EXOC4: variants seen among roughly 807,000 people sequenced by gnomAD.
EXOC4 encodes the protein SEC8-like 1.
In EXOC4, 71 loss-of-function variants were observed where a neutral mutation model predicts 107.2. The ratio of observed to expected loss-of-function variants is 0.66; its 90% confidence interval spans 0.55 to 0.81. The LOEUF (loss-of-function observed/expected upper bound fraction) is 0.81. EXOC4 is among the 30% of genes least tolerant of loss of function. EXOC4 has a pLI of 0.00. For missense variants in EXOC4, 1,108 were observed against 1,189.6 expected (o/e 0.93, Z 1.01); for synonymous variants, 456 against 441.2 (o/e 1.03, Z -0.42).
rs548092198 is a variant in EXOC4, at chr7:133,474,690, T to G, written c.1183-638T>G. Among the ~76,000 whole-genome samples, 37 of 152,240 alleles carry G rather than the reference T, an allele frequency of 2.4e-4. 1 individual carries two copies. The South Asian group carries it at 3.1e-3, about 13-fold the overall frequency. On this transcript the variant is annotated intron_variant, in intron 7 of 17. Coordinates refer to ENST00000253861, the MANE Select transcript of EXOC4 (RefSeq NM_021807.4). ...ATGAGTAGTGGCTATGGAAATTCTT[T>G]GTAGGTCAGGACTTCGTAGCTTCCT... is the stretch of plus-strand genomic sequence containing the variant.
chr7:133,680,729 C>T (rs1794168876), intron 10 of EXOC4, among the ~76,000 whole-genome samples: 1 of 152,162 alleles, frequency 6.6e-6, no homozygotes, highest in Non-Finnish European at 1.5e-5. Flanking sequence ...ACATTTAAGC[C>T]CCTAATCACA....
chr7:133,461,598 C>A (rs183475198), intron 7 of EXOC4, among the ~76,000 whole-genome samples: 11 of 152,220 alleles, frequency 7.2e-5, no homozygotes, highest in Non-Finnish European at 1.5e-5. Context: ...TGGGTCTTTT[C>A]CAAGATGCAT....
At chr7:133,961,280 CTT>C (rs34400471) in intron 14 of EXOC4, among the ~76,000 whole-genome samples, 1 of 77,016 alleles carries the variant, frequency 1.3e-5, no homozygotes, top group Non-Finnish European at 2.2e-5. Context: ...TCATGTCAAA[CTT>C]TTTTTTTTTT....
chr7:133,522,069 G>A (rs1180024072), intron 9 of EXOC4, among the ~76,000 whole-genome samples: 2 of 151,660 alleles, frequency 1.3e-5, no homozygotes, highest in African/African-American at 4.9e-5. Context: ...ATCAATATTT[G>A]TCCTCTTCAA....
rs1420399283 is a variant in EXOC4, at chr7:134,064,519, T to C, written c.2916T>C (p.Thr972=). 6.3e-7 allele frequency: 1 copy of C among 1,597,348 alleles called. No homozygotes were observed. The highest frequency in any genetic ancestry group is 8.5e-7 in the Non-Finnish European group (1 of 1,171,570). Reference sequence around the variant, plus strand: ...AAGCCACCAAGGACAAGAAGATAACTACCGTTTAGCAGGGCGTACTGCGGT... The same window carrying C: ...AAGCCACCAAGGACAAGAAGATAACCACCGTTTAGCAGGGCGTACTGCGGT... The part of the protein sequence containing the change: ...IKQATKDKKI[T]TV Residue 972 remains threonine, a synonymous_variant, in exon 18 of 18, where the codon ACT becomes ACC. Coordinates refer to ENST00000253861, the MANE Select transcript of EXOC4 (RefSeq NM_021807.4).
At chr7:133,625,727 A>C in intron 9 of EXOC4, among the ~76,000 whole-genome samples, 1 of 152,194 alleles carries the variant, frequency 6.6e-6, no homozygotes, top group East Asian at 1.9e-4. Context: ...ACAGCGTGTC[A>C]AATCATCGTC....
At chr7:133,328,761 T>C (rs1795309493) in intron 5 of EXOC4, among the ~76,000 whole-genome samples, 1 of 152,244 alleles carries the variant, frequency 6.6e-6, no homozygotes, top group South Asian at 2.1e-4. Flanking sequence ...CACTGTCTTC[T>C]TGCTTATAGG....
the EXOC4 span, among the ~76,000 whole-genome samples, chr7:134,081,707 C>CTAGGT: frequency 1.3e-5 from 2 of 152,058 alleles, no homozygotes; most frequent in African/African-American, 4.8e-5. Flanking sequence ...GGTAGGTTCC[C>CTAGGT]AGGTTTCTAG....
chr7:133,712,716 C>A (rs528376402), intron 10 of EXOC4, among the ~76,000 whole-genome samples: 13 of 152,122 alleles, frequency 8.5e-5, no homozygotes, highest in African/African-American at 3.1e-4. Flanking sequence ...TAGCCGTCAG[C>A]AAATATATGG....
chr7:133,432,150 G>A (rs1797870128), intron 7 of EXOC4, among the ~76,000 whole-genome samples: 3 of 151,948 alleles, frequency 2.0e-5, no homozygotes, highest in African/African-American at 4.8e-5. Context: ...GAGAATGGGA[G>A]AATATAAAAG....
chr7:133,651,651 C>T (rs756707812), intron 10 of EXOC4, among the ~76,000 whole-genome samples: 22 of 152,018 alleles, frequency 1.4e-4, no homozygotes, highest in Non-Finnish European at 3.1e-4. Flanking sequence ...TTAGAGTTGC[C>T]CAGAAGGACC....
chr7:133,397,999 AC>A (rs1797010221), intron 7 of EXOC4, among the ~76,000 whole-genome samples: 1 of 152,170 alleles, frequency 6.6e-6, no homozygotes, highest in African/African-American at 2.4e-5. Flanking sequence ...TTCCAGTTAA[AC>A]TTTTAATTAT....
chr7:133,975,526 A>G (rs1287649397), intron 14 of EXOC4, among the ~76,000 whole-genome samples: 1 of 152,158 alleles, frequency 6.6e-6, no homozygotes, highest in Non-Finnish European at 1.5e-5. Flanking sequence ...AGTAAACACT[A>G]GGCATAGCTA....
At chr7:133,327,592 T>C (rs577446564) in intron 5 of EXOC4, among the ~76,000 whole-genome samples, 1 of 152,336 alleles carries the variant, frequency 6.6e-6, no homozygotes, top group African/African-American at 2.4e-5. Flanking sequence ...TAAATTTCCC[T>C]CCAAACACTG....
At chr7:133,397,957 G>T (rs1797009138) in intron 7 of EXOC4, among the ~76,000 whole-genome samples, 1 of 152,152 alleles carries the variant, frequency 6.6e-6, no homozygotes, top group Non-Finnish European at 1.5e-5. Context: ...ATTAAGTGGT[G>T]AGACTGAGAT....
intron 3 of EXOC4, among the ~76,000 whole-genome samples, chr7:133,292,894 C>CT (rs1418098387): frequency 1.3e-5 from 2 of 152,066 alleles, no homozygotes; most frequent in African/African-American, 4.8e-5. Context: ...AAAGGTATTT[C>CT]TTTTGTGGGA....
chr7:133,607,300 G>A (rs757513141), intron 9 of EXOC4, among the ~76,000 whole-genome samples: 4 of 152,202 alleles, frequency 2.6e-5, no homozygotes, highest in Non-Finnish European at 5.9e-5. Context: ...AAGGAAAATT[G>A]AGCCTCAACC....
At chr7:133,686,415 A>G (rs553283495) in intron 10 of EXOC4, among the ~76,000 whole-genome samples, 2 of 152,264 alleles carry the variant, frequency 1.3e-5, no homozygotes, top group Admixed American at 1.3e-4. Flanking sequence ...ATAGTCCTAT[A>G]GACAGTTGTT....
At chr7:133,262,822 G>C (rs1022138383) in intron 1 of EXOC4, among the ~76,000 whole-genome samples, 1 of 151,958 alleles carries the variant, frequency 6.6e-6, no homozygotes, top group Non-Finnish European at 1.5e-5. Flanking sequence ...TGTTAGTGAC[G>C]ATGAATATCC....
Sources: gnomAD v4.1 joint callset for allele counts (sites outside exome capture counted in the v4.1 genomes callset) on GRCh38, gnomAD v4.1.1 for gene constraint, MANE v1.5 for transcripts, NCBI Gene and HGNC (gene_info 2026-07-23, HGNC 2026-07-21) for gene names.